Variants in CWC27 observed in about 807,000 individuals in gnomAD.
CWC27 encodes spliceosome-associated protein CWC27 homolog.
A neutral mutation model predicts 63.6 loss-of-function variants in CWC27; 47 were observed. The ratio of observed to expected loss-of-function variants is 0.74; its 90% CI spans 0.58 to 0.94. The LOEUF (loss-of-function observed/expected upper bound fraction) is 0.94, where lower values mean the gene tolerates loss of function less well. Among genes scored for constraint, CWC27 ranks in the 40% least tolerant of loss-of-function variants. The probability of loss-of-function intolerance (pLI) is 0.00; values close to 1 mark genes in which losing one functional copy is unlikely to be tolerated. For synonymous variants in CWC27, 175 were observed against 179.8 expected, an observed-to-expected ratio of 0.97 and a Z score of 0.22; for missense variants, 495 against 554.3, an observed-to-expected ratio of 0.89 and a Z score of 1.07.
chr5:64,928,089 A>G (rs1329116627), intron 11 of CWC27, among the ~76,000 whole-genome samples: 3 of 151,970 alleles, frequency 2.0e-5, no homozygotes, highest in African/African-American at 7.3e-5. Flanking sequence ...CGGGAGGCCA[A>G]GGTTGCAGTG....
chr5:64,812,285 A>C (rs1744900403), intron 10 of CWC27, among the ~76,000 whole-genome samples: 1 of 152,120 alleles, frequency 6.6e-6, no homozygotes, highest in Non-Finnish European at 1.5e-5. Flanking sequence ...ACCCAATTCA[A>C]ACCATTGAAA....
At chr5:64,994,255 C>G (rs1749590257) in intron 13 of CWC27, among the ~76,000 whole-genome samples, 1 of 152,076 alleles carries the variant, frequency 6.6e-6, no homozygotes. Flanking sequence ...TTCTCCCTTT[C>G]TCTTTTCAGT....
chr5:64,994,304 G>T (rs533959412), intron 13 of CWC27, among the ~76,000 whole-genome samples: 4 of 151,314 alleles, frequency 2.6e-5, no homozygotes, highest in Non-Finnish European at 5.9e-5. Flanking sequence ...ATATTCTTTT[G>T]TAACATCTCT....
intron 10 of CWC27, among the ~76,000 whole-genome samples, chr5:64,834,556 G>C (rs1745609899): frequency 6.6e-6 from 1 of 151,684 alleles, no homozygotes; most frequent in African/African-American, 2.4e-5. Flanking sequence ...TTGGCCAAAA[G>C]GTAATGCTCA....
At chr5:64,908,595 A>C (rs1227337725) in intron 11 of CWC27, among the ~76,000 whole-genome samples, 1 of 152,184 alleles carries the variant, frequency 6.6e-6, no homozygotes, top group African/African-American at 2.4e-5. Flanking sequence ...TATTTAGGAT[A>C]GTTAGCTCCT....
At chr5:64,786,885 T>C (rs1309646289) in intron 6 of CWC27, among the ~76,000 whole-genome samples, 1 of 152,156 alleles carries the variant, frequency 6.6e-6, no homozygotes, top group African/African-American at 2.4e-5. Context: ...AAGATATACC[T>C]GAGACAGGGT....
intron 11 of CWC27, among the ~76,000 whole-genome samples, chr5:64,906,596 A>G (rs909003267): frequency 1.3e-5 from 2 of 152,188 alleles, no homozygotes; most frequent in African/African-American, 4.8e-5. Flanking sequence ...ATAGATTGCA[A>G]AAATTTTCTC....
intron 5 of CWC27, 44 bp downstream of exon 5, chr5:64,785,623 T>A: frequency 8.4e-7 from 1 of 1,188,278 alleles, no homozygotes; most frequent in Non-Finnish European, 1.2e-6. Flanking sequence ...ACATTGTCGT[T>A]TAAGAGGAAT....
At chr5:64,844,135 T>C (rs1561432097) in intron 10 of CWC27, among the ~76,000 whole-genome samples, 1 of 152,214 alleles carries the variant, frequency 6.6e-6, no homozygotes, top group Non-Finnish European at 1.5e-5. Context: ...TGGAGATTTT[T>C]TTCCCTGAAC....
intron 11 of CWC27, among the ~76,000 whole-genome samples, chr5:64,904,790 T>C (rs1040281019): frequency 6.6e-6 from 1 of 152,200 alleles, no homozygotes; most frequent in Non-Finnish European, 1.5e-5. Flanking sequence ...ATGACTCAGA[T>C]AAGGATTGGA....
intron 7 of CWC27, among the ~76,000 whole-genome samples, chr5:64,797,998 C>T (rs1031936630): frequency 6.6e-6 from 1 of 151,980 alleles, no homozygotes; most frequent in Non-Finnish European, 1.5e-5. Flanking sequence ...ATGATTGTGA[C>T]TTTATAAGGG....
intron 11 of CWC27, among the ~76,000 whole-genome samples, chr5:64,925,456 C>T (rs985390469): frequency 2.6e-5 from 4 of 152,160 alleles, no homozygotes; most frequent in Non-Finnish European, 5.9e-5. Flanking sequence ...GAAGAATGTT[C>T]GCCTTAGTCC....
chr5:64,923,128 G>T (rs535813664), intron 11 of CWC27, among the ~76,000 whole-genome samples: 1 of 152,282 alleles, frequency 6.6e-6, no homozygotes, highest in South Asian at 2.1e-4. Flanking sequence ...AGGGGCAGTG[G>T]CAGGTCAGAG....
chr5:65,010,656 G>A (rs1007663548), intron 13 of CWC27, among the ~76,000 whole-genome samples: 6 of 152,262 alleles, frequency 3.9e-5, no homozygotes, highest in Admixed American at 2.0e-4. Context: ...AAGGCTGTCC[G>A]AGGACAATAT....
chr5:64,772,467 A>G (rs1304288835), intron 1 of CWC27, among the ~76,000 whole-genome samples: 2 of 150,974 alleles, frequency 1.3e-5, no homozygotes, highest in East Asian at 3.9e-4. Flanking sequence ...ACTAAAAAAA[A>G]TGCAAAAAAA....
chr5:64,836,625 A>G (rs1745665899), intron 10 of CWC27, among the ~76,000 whole-genome samples: 2 of 152,010 alleles, frequency 1.3e-5, no homozygotes, highest in African/African-American at 2.4e-5. Context: ...ATTCACATCA[A>G]GCCTAATTTG....
intron 13 of CWC27, among the ~76,000 whole-genome samples, chr5:65,001,285 T>A (rs1386356028): frequency 6.6e-6 from 1 of 152,128 alleles, no homozygotes; most frequent in Non-Finnish European, 1.5e-5. Context: ...ATTTGACTTC[T>A]TTTCTGATTT....
intron 7 of CWC27, among the ~76,000 whole-genome samples, chr5:64,790,391 T>A (rs1476406190): frequency 6.6e-6 from 1 of 152,210 alleles, no homozygotes; most frequent in Non-Finnish European, 1.5e-5. Flanking sequence ...TCTTGCATTG[T>A]TTATGATTCA....
chr5:64,951,259 G>A (rs1748703579), intron 11 of CWC27, among the ~76,000 whole-genome samples: 1 of 151,724 alleles, frequency 6.6e-6, no homozygotes, highest in Non-Finnish European at 1.5e-5. Context: ...TTTAATTTCA[G>A]CCATTCTAAG....
Sources: gnomAD v4.1 joint callset for allele counts (sites outside exome capture counted in the v4.1 genomes callset) on GRCh38, gnomAD v4.1.1 for gene constraint, MANE v1.5 for transcripts, NCBI Gene and HGNC (gene_info 2026-07-23, HGNC 2026-07-21) for gene names.